Variants in RMC1 observed in about 807,000 individuals in gnomAD.
RMC1 encodes the protein regulator of MON1-CCZ1 complex.
In RMC1, 44 loss-of-function variants were observed where a neutral mutation model predicts 95.5. That is an observed-to-expected ratio of 0.46 (90% CI 0.36 to 0.59). The LOEUF is 0.59. Among genes scored for constraint, RMC1 ranks in the 20% least tolerant of loss-of-function variants. The pLI, the probability that RMC1 is intolerant of heterozygous loss-of-function variation, is 0.00. For synonymous variants in RMC1, 320 were observed against 303.6 expected (o/e 1.05, Z -0.56); for missense variants, 705 against 819.6 (o/e 0.86, Z 1.71).
At chr18:23,528,990 C>T (rs2058395350) in intron 14 of RMC1, 189 bp from the exon 15 acceptor site, 2 of 864,828 alleles carry the variant, frequency 2.3e-6, no homozygotes, top group East Asian at 3.1e-5. Context: ...AGGGATTCTC[C>T]TGCCTCAGCC....
intron 5 of RMC1, among the ~76,000 whole-genome samples, chr18:23,510,222 G>A (rs534476737): frequency 7.2e-5 from 11 of 151,836 alleles, no homozygotes; most frequent in Admixed American, 1.3e-4. Context: ...TACTTGGGAG[G>A]CTGAAGTGGG....
chr18:23,516,141 C>T (rs989917405), intron 6 of RMC1, 145 bp downstream of exon 6: 18 of 1,360,218 alleles, frequency 1.3e-5, no homozygotes, highest in Non-Finnish European at 1.6e-5. Flanking sequence ...TCTGTATACC[C>T]GTCAGCTCCT....
At chr18:23,517,380 C>A (rs1249198290) in intron 7 of RMC1, among the ~76,000 whole-genome samples, 2 of 152,062 alleles carry the variant, frequency 1.3e-5, no homozygotes, top group Non-Finnish European at 2.9e-5. Context: ...GGTCTCTTGA[C>A]CTCTTGATCT....
At position 23,530,083 on chromosome 18, in the gene RMC1, T is replaced by G. The variant is rs1327082645; in HGVS notation, c.1550T>G (p.Met517Arg). Residue 517 changes from methionine to arginine, a missense_variant, in exon 17 of 20, where the codon ATG becomes AGG. Coordinates refer to ENST00000269221, the MANE Select transcript of RMC1 (RefSeq NM_013326.5). Reference sequence around the variant, plus strand: ...CTTGTCCAGCACAACCTCTTTTATATGCTGCATCAGTTCCTGCAGTACCAC... The same window carrying G: ...CTTGTCCAGCACAACCTCTTTTATAGGCTGCATCAGTTCCTGCAGTACCAC... Reference protein sequence around the residue: ...KTLVQHNLFYMLHQFLQYHVL... With the variant: ...KTLVQHNLFYRLHQFLQYHVL... 6.2e-7 allele frequency: 1 copy of G among 1,614,148 alleles called. No individual in the cohort carries two copies. Among genetic ancestry groups the G allele is most frequent in the African/African-American group, 1.3e-5 (1 of 74,952 alleles).
At chr18:23,527,005 GA>G in intron 13 of RMC1, among the ~76,000 whole-genome samples, 1 of 152,250 alleles carries the variant, frequency 6.6e-6, no homozygotes, top group Non-Finnish European at 1.5e-5. Context: ...GGGCACACAG[GA>G]GGGGAGTGGG....
chr18:23,506,844 C>A, intron 2 of RMC1, 126 bp from the exon 3 acceptor site: 2 of 694,098 alleles, frequency 2.9e-6, no homozygotes, highest in Non-Finnish European at 5.0e-6. Context: ...GCTTCCGAAA[C>A]ATAATTTTAA....
rs2057990176 is a variant in RMC1, at chr18:23,515,925, T to C, written c.478T>C (p.Cys160Arg). ...HNLNVNWYMY[C>R]PESAVILLST... is the part of the protein sequence containing the mutation. The stretch of plus-strand genomic sequence containing the variant: ...TCTCAATGTGAATTGGTACATGTAC[T>C]GCCCCGAGAGCGCCGTGATCTTGCT... The change falls in exon 6 of 20, where the codon TGC becomes CGC. Residue 160 changes from cysteine (C) to arginine (R), a missense_variant. Coordinates refer to ENST00000269221, the MANE Select transcript of RMC1 (RefSeq NM_013326.5). The C allele has an allele frequency of 5.0e-6, 8 of 1,614,174 alleles. No homozygotes were observed. The highest frequency in any genetic ancestry group is 6.8e-6 in the Non-Finnish European group (8 of 1,180,016).
Position 23,515,954 on chromosome 18 carries a change from T to G in RMC1, c.507T>G (p.Ser169=), listed in dbSNP as rs150715145. 1 of 1,614,076 alleles carries G rather than the reference T, an allele frequency of 6.2e-7. No homozygotes were observed. The highest frequency in any genetic ancestry group is 1.1e-5 in the South Asian group (1 of 91,092). ...YCPESAVILL[S]TTVLENVLQP... ...CCGAGAGCGCCGTGATCTTGCTGTC[T>G]ACCACGGTCCTGGAGAATGTCCTGC... The change falls in exon 6 of 20, where the codon TCT becomes TCG. Residue 169 remains serine (S), a synonymous_variant. Transcript: ENST00000269221.
chr18:23,527,227 A>G (rs1056314663), intron 13 of RMC1, among the ~76,000 whole-genome samples: 3 of 149,064 alleles, frequency 2.0e-5, no homozygotes, highest in African/African-American at 7.4e-5. Context: ...TCTCTACAAA[A>G]AAAAAAAAAA....
At chr18:23,509,371 A>G in intron 5 of RMC1, 92 bp downstream of exon 5, 1 of 362,940 alleles carries the variant, frequency 2.8e-6, no homozygotes, top group Non-Finnish European at 4.6e-6. Flanking sequence ...ATATATATAT[A>G]TTTTAAACAT....
rs550935181 is a variant in RMC1, at chr18:23,528,953, C to T, written c.1297-226C>T. 387 of 507,546 alleles carry T rather than the reference C, an allele frequency of 7.6e-4. 4 individuals carry two copies. Among genetic ancestry groups the T allele is most frequent in the Middle Eastern group, 2.8e-3 (5 of 1,798 alleles). The allele number at this position is 507,546 out of a possible 1,614,324, so 31.4% of individuals were successfully genotyped here. A position where few individuals can be genotyped will look rare whatever the true frequency, so the allele number is the denominator to read the frequency against. On this transcript the variant is annotated intron_variant, in intron 14 of 19. Coordinates refer to ENST00000269221, the MANE Select transcript of RMC1 (RefSeq NM_013326.5). The stretch of plus-strand genomic sequence containing the variant: ...GGAGTGCAATGGTGAGATCTTGGCT[C>T]ACCGCAACCTCTGCCTCCTGGGTTC...
chr18:23,511,543 GATAA>G (rs2057857908), intron 5 of RMC1, among the ~76,000 whole-genome samples: 2 of 151,876 alleles, frequency 1.3e-5, no homozygotes, highest in Non-Finnish European at 2.9e-5. Context: ...CTATAATCCC[GATAA>G]ATAATTATTA....
chr18:23,530,487 A>G lies in RMC1; in HGVS notation c.1769A>G (p.Asn590Ser). The change falls in exon 19 of 20, where the codon AAC (asparagine) becomes AGC (serine). Residue 590 changes from asparagine (N) to serine (S), a missense_variant. By Grantham distance (46) the Asn-to-Ser change is conservative (BLOSUM62 1). Coordinates refer to ENST00000269221, the MANE Select transcript of RMC1 (RefSeq NM_013326.5). The stretch of plus-strand genomic sequence containing the variant: ...ATCCGGGGCATTGGTGGCCATGACA[A>G]CATTTCTGCACGAAAATTTTTAGAT... ...RFIRGIGGHD[N>S]ISARKFLDAA... 1 of 1,614,244 alleles carries G rather than the reference A, an allele frequency of 6.2e-7. No individual in the cohort carries two copies. Among genetic ancestry groups the G allele is most frequent in the South Asian group, 1.1e-5 (1 of 91,090 alleles).
chr18:23,503,550 C>T lies in RMC1; in HGVS notation c.-69C>T, dbSNP rs2057642686. ...AGCCGCCGCTACAGTCCGGGCCGGG[C>T]TCCACCGCGCATCCTGCTCCACTCT... On this transcript the variant is annotated 5_prime_UTR_variant, in exon 1 of 20. Coordinates refer to ENST00000269221, the MANE Select transcript of RMC1 (RefSeq NM_013326.5). 8.5e-6 allele frequency: 10 copies of T among 1,176,864 alleles called. No individual in the cohort carries two copies. In the Admixed American group the frequency reaches 1.6e-4, roughly 19 times the overall value. 72.9% of individuals were successfully genotyped at this position (1,176,864 alleles called of 1,614,324 possible).
chr18:23,503,768 T>G, intron 1 of RMC1, 48 bp downstream of exon 1: 1 of 1,541,800 alleles, frequency 6.5e-7, no homozygotes, highest in Non-Finnish European at 8.8e-7. Flanking sequence ...GCCGGGGTCG[T>G]GGGCGCGCCA....
intron 7 of RMC1, among the ~76,000 whole-genome samples, chr18:23,517,751 T>C (rs1259250732): frequency 6.6e-6 from 1 of 152,078 alleles, no homozygotes; most frequent in Non-Finnish European, 1.5e-5. Flanking sequence ...AGAGTGTCGC[T>C]CTGTTGCCCA....
At chr18:23,529,405 T>G in intron 15 of RMC1, 107 bp downstream of exon 15, 1 of 1,470,690 alleles carries the variant, frequency 6.8e-7, no homozygotes, top group Non-Finnish European at 9.0e-7. Context: ...GTGATTAGAA[T>G]CACTGGAGTT....
intron 5 of RMC1, among the ~76,000 whole-genome samples, chr18:23,513,423 T>G (rs2057917050): frequency 6.6e-6 from 1 of 152,238 alleles, no homozygotes; most frequent in South Asian, 2.1e-4. Flanking sequence ...ATACACCACA[T>G]TTTGCTTATC....
At position 23,519,208 on chromosome 18, in the gene RMC1, G is replaced by T. The variant is rs748010525; in HGVS notation, c.849+34G>T. On this transcript the variant is annotated intron_variant, in intron 9 of 19. Coordinates refer to ENST00000269221, the MANE Select transcript of RMC1 (RefSeq NM_013326.5). The stretch of plus-strand genomic sequence containing the variant: ...TGTCTGCGTTTCTACCAAAGTTAAG[G>T]TTGCTTAAAAGCCTTGTGAAAATTG... 3.1e-6 allele frequency: 5 copies of T among 1,589,598 alleles called. No homozygotes were observed. The South Asian group carries it at 3.3e-5, about 11-fold the overall frequency.
Sources: gnomAD v4.1 joint callset for allele counts (sites outside exome capture counted in the v4.1 genomes callset) on GRCh38, gnomAD v4.1.1 for gene constraint, MANE v1.5 for transcripts, NCBI Gene and HGNC (gene_info 2026-07-23, HGNC 2026-07-21) for gene names.